C6orf132: variants seen among roughly 807,000 people sequenced by gnomAD.
The protein encoded by C6orf132 is chromosome 6 open reading frame 132, also known as uncharacterized protein C6orf132.
Under a neutral mutation model 65.3 loss-of-function variants are expected in C6orf132, and 43 were observed. The observed-to-expected ratio is 0.66, with a 90% CI of 0.52 to 0.85. The LOEUF (loss-of-function observed/expected upper bound fraction) is 0.85. C6orf132 is among the 40% of genes least tolerant of loss of function. The pLI is 0.00. For synonymous variants in C6orf132, 631 were observed against 654.1 expected, an observed-to-expected ratio of 0.96 and a Z score of 0.54; for missense variants, 1,488 against 1,548.8, an observed-to-expected ratio of 0.96 and a Z score of 0.66.
intron 1 of C6orf132, among the ~76,000 whole-genome samples, chr6:42,133,852 G>A (rs1766897302): frequency 2.0e-5 from 2 of 101,896 alleles, no homozygotes; most frequent in South Asian, 2.3e-4. Flanking sequence ...GGCGGGGGAG[G>A]TGGATTTACA....
chr6:42,122,691 G>A (rs1274306963), intron 2 of C6orf132, among the ~76,000 whole-genome samples: 2 of 152,200 alleles, frequency 1.3e-5, no homozygotes, highest in Non-Finnish European at 2.9e-5. Context: ...AGCCCCAAAA[G>A]GTGCCTAGGC....
rs756280141 is a variant in C6orf132 at position 42,105,201 on chromosome 6, T to G, written c.2711A>C (p.Lys904Thr). The G allele has an allele frequency of 7.2e-6, 11 of 1,537,010 alleles. No homozygotes were observed. In the Middle Eastern group the frequency reaches 8.3e-4, roughly 116 times the overall value. Residue 904 changes from lysine (K) to threonine (T), a missense_variant, in exon 4 of 5, where the codon AAG becomes ACG. Transcript: ENST00000341865. ...VVPKLPKEAEKDSPLTTEIPN... is the reference protein window; with the variant it reads ...VVPKLPKEAETDSPLTTEIPN... Reference sequence around the variant, plus strand: ...TATTTCGGTCGTCAGCGGGGAGTCCTTCTCAGCCTCCTTGGGTAACTTGGG... The same window carrying G: ...TATTTCGGTCGTCAGCGGGGAGTCCGTCTCAGCCTCCTTGGGTAACTTGGG...
chr6:42,105,415 C>T lies in C6orf132; in HGVS notation c.2497G>A (p.Val833Met). The T allele has an allele frequency of 3.3e-6, 5 of 1,535,476 alleles. No individual in the cohort carries two copies. The highest frequency in any genetic ancestry group is 4.4e-6 in the Non-Finnish European group (5 of 1,146,188). Reference protein sequence around the residue: ...LLRHPVTGEVVERGSPMALLL... With the variant: ...LLRHPVTGEVMERGSPMALLL... ...AGGGCCATCGGCGAGCCCCGCTCCACCACCTCCCCAGTCACCGGGTGCCTG... is the reference window on the plus strand; with the variant it reads ...AGGGCCATCGGCGAGCCCCGCTCCATCACCTCCCCAGTCACCGGGTGCCTG... Residue 833 changes from valine (V) to methionine (M), a missense_variant, in exon 4 of 5, where the codon GTG becomes ATG. Physicochemically the swap from Val to Met is conservative, Grantham distance 21. Coordinates refer to ENST00000341865, the MANE Select transcript of C6orf132 (RefSeq NM_001164446.3).
At chr6:42,115,814 T>C (rs1766558113) in intron 2 of C6orf132, among the ~76,000 whole-genome samples, 1 of 151,530 alleles carries the variant, frequency 6.6e-6, no homozygotes, top group African/African-American at 2.4e-5. Flanking sequence ...CTTTCTTCCA[T>C]CCCCTAAACT....
At chr6:42,121,304 G>A (rs1044609494) in intron 2 of C6orf132, among the ~76,000 whole-genome samples, 1 of 152,186 alleles carries the variant, frequency 6.6e-6, no homozygotes, top group African/African-American at 2.4e-5. Flanking sequence ...CCATGGTCAG[G>A]GACAGGTCAC....
intron 2 of C6orf132, among the ~76,000 whole-genome samples, chr6:42,123,340 ACCACTGCACTCCAGC>A (rs767296508): frequency 2.3e-4 from 35 of 151,416 alleles, no homozygotes; most frequent in Non-Finnish European, 4.7e-4. Context: ...CCGAGATCGC[ACCACTGCACTCCAGC>A]CTGGGTGACA....
chr6:42,111,833 T>A (rs184793941), intron 2 of C6orf132, among the ~76,000 whole-genome samples: 4 of 151,912 alleles, frequency 2.6e-5, no homozygotes, highest in Non-Finnish European at 4.4e-5. Flanking sequence ...TGCATTCTAT[T>A]TTTTTTTTCC....
chr6:42,126,846 GCAAA>G, intron 2 of C6orf132: 1 of 320,994 alleles, frequency 3.1e-6, no homozygotes, highest in South Asian at 6.6e-5. Flanking sequence ...AACTCAGTCT[GCAAA>G]AAAAAAAAAA....
chr6:42,115,987 T>A (rs1766564635), intron 2 of C6orf132, among the ~76,000 whole-genome samples: 1 of 146,448 alleles, frequency 6.8e-6, no homozygotes, highest in African/African-American at 2.5e-5. Flanking sequence ...TGGAGTGCAG[T>A]GGCAAGATCT....
intron 2 of C6orf132, among the ~76,000 whole-genome samples, chr6:42,123,749 T>C (rs1374109773): frequency 6.6e-6 from 1 of 152,184 alleles, no homozygotes; most frequent in African/African-American, 2.4e-5. Flanking sequence ...GCCTGGCTCC[T>C]ATCCCTGCTT....
At chr6:42,114,747 G>A (rs959787655) in intron 2 of C6orf132, among the ~76,000 whole-genome samples, 1 of 152,188 alleles carries the variant, frequency 6.6e-6, no homozygotes, top group Non-Finnish European at 1.5e-5. Flanking sequence ...GCTCACGCTT[G>A]TAATCCCAGC....
intron 2 of C6orf132, among the ~76,000 whole-genome samples, chr6:42,113,643 C>T (rs563681122): frequency 6.6e-6 from 1 of 152,150 alleles, no homozygotes; most frequent in South Asian, 2.1e-4. Context: ...GGCAAAACCC[C>T]ATCTCTACTA....
At chr6:42,107,961 G>A (rs1044011211) in intron 3 of C6orf132, among the ~76,000 whole-genome samples, 2 of 152,172 alleles carry the variant, frequency 1.3e-5, no homozygotes, top group Admixed American at 6.5e-5. Context: ...TCACAGGTTG[G>A]CAGCAGCTGT....
intron 1 of C6orf132, among the ~76,000 whole-genome samples, chr6:42,133,942 C>A (rs557581608): frequency 2.0e-5 from 3 of 152,152 alleles, no homozygotes; most frequent in Admixed American, 6.5e-5. Context: ...ATTCCTGGTG[C>A]CAAGCAGGAG....
chr6:42,123,430 A>G (rs1766717254), intron 2 of C6orf132, among the ~76,000 whole-genome samples: 1 of 70,990 alleles, frequency 1.4e-5, no homozygotes, highest in East Asian at 2.1e-4. Context: ...AAGAAAGGAG[A>G]AGGAGAAGGA....
intron 1 of C6orf132, among the ~76,000 whole-genome samples, chr6:42,139,339 A>G (rs1367270561): frequency 6.6e-6 from 1 of 152,046 alleles, no homozygotes; most frequent in African/African-American, 2.4e-5. Context: ...GAGGAGCTGA[A>G]GCAGGCAAGG....
intron 2 of C6orf132, among the ~76,000 whole-genome samples, chr6:42,115,563 G>A (rs998468168): frequency 6.0e-5 from 9 of 149,610 alleles, no homozygotes; most frequent in East Asian, 4.1e-4. Context: ...GGAGAATGGC[G>A]TGAACCCGGG....
rs1334792366 is a variant in C6orf132 at position 42,106,951 on chromosome 6, G to C, written c.961C>G (p.Gln321Glu). The change falls in exon 4 of 5, where the codon CAA (glutamine) becomes GAA (glutamate). Residue 321 changes from glutamine (Q) to glutamate (E), a missense_variant. Gln to Glu is a conservative substitution (Grantham distance 29, BLOSUM62 2). Transcript: ENST00000341865. Reference sequence around the variant, plus strand: ...CCCTCTTCCTTTCGGGGAGCCTCTTGTGCTTCCTGAACTGGGATGGACGAA... The same window carrying C: ...CCCTCTTCCTTTCGGGGAGCCTCTTCTGCTTCCTGAACTGGGATGGACGAA... Reference protein sequence around the residue: ...RTSSIPVQEAQEAPRKEEGAT... With the variant: ...RTSSIPVQEAEEAPRKEEGAT... 6.5e-7 allele frequency: 1 copy of C among 1,536,458 alleles called. No homozygotes were observed. Among genetic ancestry groups the C allele is most frequent in the East Asian group, 2.5e-5 (1 of 40,802 alleles).
At chr6:42,111,251 A>G (rs1024796356) in intron 2 of C6orf132, among the ~76,000 whole-genome samples, 3 of 150,190 alleles carry the variant, frequency 2.0e-5, no homozygotes, top group African/African-American at 4.9e-5. Context: ...AGCTGGGACT[A>G]CAGATGTGTG....
Sources: allele counts gnomAD v4.1 joint callset (sites outside exome capture counted in the v4.1 genomes callset), GRCh38; gene constraint gnomAD v4.1.1; transcripts MANE v1.5; gene names NCBI Gene and HGNC (gene_info 2026-07-23, HGNC 2026-07-21).